PACRG: variants seen among roughly 807,000 people sequenced by gnomAD.
PACRG encodes parkin coregulated.
Under a neutral mutation model 29.7 loss-of-function variants are expected in PACRG, and 29 were observed. The ratio of observed to expected loss-of-function variants is 0.98; its 90% confidence interval spans 0.73 to 1.33. The LOEUF is 1.33. Among genes scored for constraint, PACRG ranks in the 40% most tolerant of loss-of-function variants. The pLI, the probability that PACRG is intolerant of heterozygous loss-of-function variation, is 0.00. For missense variants in PACRG, 279 were observed against 316.2 expected (o/e 0.88, Z 0.89); for synonymous variants, 116 against 118.7 (o/e 0.98, Z 0.15).
At chr6:162,956,134 G>A (rs1044187032) in intron 2 of PACRG, among the ~76,000 whole-genome samples, 2 of 152,190 alleles carry the variant, frequency 1.3e-5, no homozygotes, top group African/African-American at 4.8e-5. Flanking sequence ...AAGATCAAGT[G>A]CAAGGCGGTG....
At chr6:162,985,157 A>G (rs1265830517) in intron 2 of PACRG, among the ~76,000 whole-genome samples, 2 of 152,088 alleles carry the variant, frequency 1.3e-5, no homozygotes, top group Non-Finnish European at 2.9e-5. Flanking sequence ...TCATATTGAC[A>G]CTATTCCAAA....
At chr6:162,959,682 C>G (rs563665816) in intron 2 of PACRG, among the ~76,000 whole-genome samples, 1 of 152,052 alleles carries the variant, frequency 6.6e-6, no homozygotes, top group African/African-American at 2.4e-5. Context: ...TGGAGAGGAG[C>G]AAGTGTAGGA....
chr6:162,831,689 G>A (rs1788785648), intron 2 of PACRG, among the ~76,000 whole-genome samples: 2 of 152,084 alleles, frequency 1.3e-5, no homozygotes, highest in East Asian at 1.9e-4. Context: ...CCCAGTGTGT[G>A]TTGTTTCCCT....
At chr6:163,256,065 C>T (rs1236398101) in intron 4 of PACRG, among the ~76,000 whole-genome samples, 4 of 152,216 alleles carry the variant, frequency 2.6e-5, no homozygotes, top group East Asian at 3.8e-4. Flanking sequence ...TCCAGAGGCT[C>T]ATGTACTATT....
intron 4 of PACRG, chr6:163,184,859 A>T (rs2128356436): frequency 6.6e-6 from 1 of 152,318 alleles, no homozygotes; most frequent in Admixed American, 6.5e-5. Flanking sequence ...AGGCTCCACA[A>T]ACAAGTACAC....
chr6:162,793,058 T>C (rs1024157272), intron 1 of PACRG, among the ~76,000 whole-genome samples: 1 of 152,134 alleles, frequency 6.6e-6, no homozygotes, highest in Non-Finnish European at 1.5e-5. Flanking sequence ...GGGCAGGTGA[T>C]TTTCCTCCTG....
chr6:163,221,249 C>G (rs1021534072), intron 4 of PACRG, among the ~76,000 whole-genome samples: 1 of 152,118 alleles, frequency 6.6e-6, no homozygotes, highest in Non-Finnish European at 1.5e-5. Context: ...TTCCTGTATT[C>G]CCAAATAAAA....
rs991815471 is a variant in PACRG at position 162,851,778 on chromosome 6, TA to T, written c.291+37503del. 8.4e-4 allele frequency among the ~76,000 whole-genome samples: 128 copies of T among 152,220 alleles called. 1 individual carries two copies. Among genetic ancestry groups the T allele is most frequent in the Non-Finnish European group, 1.3e-3 (91 of 68,014 alleles). On this transcript the variant is annotated intron_variant, in intron 2 of 4. Coordinates refer to ENST00000366888, the MANE Select transcript of PACRG (RefSeq NM_001080379.2). ...ATGATATGTAAATTAATTTAAACAT[TA>T]AAAAATTTCCCATAACCATGTGTCC...
intron 2 of PACRG, among the ~76,000 whole-genome samples, chr6:163,038,237 T>A (rs1013905169): frequency 6.6e-6 from 1 of 152,032 alleles, no homozygotes; most frequent in Non-Finnish European, 1.5e-5. Context: ...TATGATTTCA[T>A]AAAGAATAAA....
intron 4 of PACRG, among the ~76,000 whole-genome samples, chr6:163,194,919 A>C (rs1192951552): frequency 1.3e-5 from 2 of 151,168 alleles, no homozygotes; most frequent in African/African-American, 4.9e-5. Context: ...CCTTTTGGTC[A>C]TCAGTGCACT....
At chr6:162,947,438 A>T (rs1339289757) in intron 2 of PACRG, among the ~76,000 whole-genome samples, 30 of 58,640 alleles carry the variant, frequency 5.1e-4, no homozygotes, top group South Asian at 2.6e-3. Flanking sequence ...CATATATATA[A>T]AATATATATA....
intron 2 of PACRG, among the ~76,000 whole-genome samples, chr6:162,844,466 C>T (rs1056375613): frequency 3.3e-5 from 5 of 152,208 alleles, no homozygotes; most frequent in East Asian, 3.9e-4. Flanking sequence ...GCGCATGGTG[C>T]GCGCACCCAC....
chr6:162,760,891 G>T (rs1361041377), intron 1 of PACRG, among the ~76,000 whole-genome samples: 1 of 152,092 alleles, frequency 6.6e-6, no homozygotes, highest in Non-Finnish European at 1.5e-5. Context: ...AGTGGTTGAG[G>T]CAAAAAGAGA....
At chr6:162,829,043 A>G (rs953898393) in intron 2 of PACRG, among the ~76,000 whole-genome samples, 3 of 152,234 alleles carry the variant, frequency 2.0e-5, no homozygotes, top group Admixed American at 6.5e-5. Flanking sequence ...CCTTTGTGAA[A>G]AGTACTTTTC....
chr6:163,302,692 CAA>C (rs771976670), intron 4 of PACRG, among the ~76,000 whole-genome samples: 5 of 152,174 alleles, frequency 3.3e-5, no homozygotes, highest in Non-Finnish European at 7.3e-5. Context: ...TTAGAATTTT[CAA>C]AGAGTAGGTA....
intron 2 of PACRG, among the ~76,000 whole-genome samples, chr6:162,999,752 TG>T (rs1476615832): frequency 1.3e-5 from 2 of 152,226 alleles, no homozygotes; most frequent in African/African-American, 4.8e-5. Context: ...CATTTTCTTG[TG>T]AGTTTTACTT....
chr6:163,056,341 T>C (rs1250341392), intron 2 of PACRG, among the ~76,000 whole-genome samples: 2 of 152,230 alleles, frequency 1.3e-5, no homozygotes, highest in East Asian at 1.9e-4. Flanking sequence ...GCAACCCAAA[T>C]GTCCATCTGC....
At chr6:163,269,646 G>C (rs1783658800) in intron 4 of PACRG, among the ~76,000 whole-genome samples, 1 of 151,736 alleles carries the variant, frequency 6.6e-6, no homozygotes, top group African/African-American at 2.4e-5. Context: ...ACCCCACCAA[G>C]TTAAGGAGCC....
chr6:163,080,125 G>A (rs1812947108), intron 3 of PACRG, among the ~76,000 whole-genome samples: 1 of 151,666 alleles, frequency 6.6e-6, no homozygotes, highest in African/African-American at 2.4e-5. Context: ...GTCTCGATCT[G>A]GTGACCTCAT....
Sources: gnomAD v4.1 joint callset for allele counts (sites outside exome capture counted in the v4.1 genomes callset) on GRCh38, gnomAD v4.1.1 for gene constraint, MANE v1.5 for transcripts, NCBI Gene and HGNC (gene_info 2026-07-23, HGNC 2026-07-21) for gene names.